GARIN5A: variants seen among roughly 807,000 people sequenced by gnomAD.
GARIN5A encodes golgi associated RAB2 interactor 5A.
At chr19:50,475,182 G>A in the GARIN5A span, 39 of 1,267,634 alleles carry the variant, frequency 3.1e-5, 1 homozygote, top group South Asian at 2.5e-4. Flanking sequence ...TTGTTCTCCC[G>A]GGTAGATGGC....
the GARIN5A span, chr19:50,467,696 C>T: frequency 2.8e-5 from 45 of 1,593,368 alleles, no homozygotes; most frequent in Admixed American, 2.7e-4. Flanking sequence ...ACCCACTGGC[C>T]GAACTCTCGG....
chr19:50,474,230 A>G, the GARIN5A span, among the ~76,000 whole-genome samples: 1 of 148,328 alleles, frequency 6.7e-6, no homozygotes, highest in Non-Finnish European at 1.5e-5. Context: ...CCCAGGTTGG[A>G]GTGCAGTGGG....
At chr19:50,471,757 T>TGTGTATACGCATACATGCATGC in the GARIN5A span, among the ~76,000 whole-genome samples, 3 of 139,946 alleles carry the variant, frequency 2.1e-5, no homozygotes, top group African/African-American at 6.2e-5. Flanking sequence ...TACATGCATG[T>TGTGTATACGCATACATGCATGC]GTATACGCAT....
At chr19:50,468,884 G>A in the GARIN5A span, among the ~76,000 whole-genome samples, 2 of 152,140 alleles carry the variant, frequency 1.3e-5, no homozygotes, top group African/African-American at 4.8e-5. Context: ...ATAGGCATGA[G>A]CCACCTCACT....
At chr19:50,472,000 G>A in the GARIN5A span, among the ~76,000 whole-genome samples, 2 of 149,978 alleles carry the variant, frequency 1.3e-5, no homozygotes, top group Non-Finnish European at 3.0e-5. Flanking sequence ...ATATATACGT[G>A]TATGTATATA....
chr19:50,472,212 G>GTA, the GARIN5A span, among the ~76,000 whole-genome samples: 777 of 137,998 alleles, frequency 5.6e-3, 50 homozygotes, highest in African/African-American at 0.015. Flanking sequence ...GTATATACAT[G>GTA]TGTGTATGTA....
the GARIN5A span, among the ~76,000 whole-genome samples, chr19:50,471,661 T>TGTGTGTATACGCATACATGCAC: frequency 7.7e-5 from 9 of 117,636 alleles, no homozygotes; most frequent in South Asian, 2.6e-4. Context: ...TACATGCACG[T>TGTGTGTATACGCATACATGCAC]GTGTGTATAC....
chr19:50,472,007 T>C, the GARIN5A span, among the ~76,000 whole-genome samples: 1 of 150,502 alleles, frequency 6.6e-6, no homozygotes, highest in Non-Finnish European at 1.5e-5. Flanking sequence ...CGTGTATGTA[T>C]ATATACGTGT....
At chr19:50,476,516 CGTCCCTTCGCT>C in the GARIN5A span, 56 of 1,569,024 alleles carry the variant, frequency 3.6e-5, no homozygotes, top group Admixed American at 5.5e-4. Flanking sequence ...GGCTCACAGC[CGTCCCTTCGCT>C]GGTGGGAAGA....
chr19:50,475,521 G>A, the GARIN5A span: 20 of 1,461,138 alleles, frequency 1.4e-5, no homozygotes, highest in Admixed American at 8.5e-5. Flanking sequence ...GGGATCAGAG[G>A]TTAGGAATCT....
the GARIN5A span, chr19:50,467,609 C>T: frequency 6.4e-7 from 1 of 1,552,392 alleles, no homozygotes; most frequent in South Asian, 1.2e-5. Flanking sequence ...TCCCCATCTA[C>T]ATCCTCCAGC....
At chr19:50,471,857 TAC>T in the GARIN5A span, among the ~76,000 whole-genome samples, 1 of 150,412 alleles carries the variant, frequency 6.6e-6, no homozygotes, top group East Asian at 2.0e-4. Context: ...TACGCATACA[TAC>T]ATGTGTATAT....
the GARIN5A span, among the ~76,000 whole-genome samples, chr19:50,473,138 C>G: frequency 6.6e-6 from 1 of 152,184 alleles, no homozygotes; most frequent in African/African-American, 2.4e-5. Flanking sequence ...TTAATAAAGG[C>G]TGTAAGTCAT....
At chr19:50,472,198 G>T in the GARIN5A span, among the ~76,000 whole-genome samples, 1 of 143,908 alleles carries the variant, frequency 6.9e-6, no homozygotes, top group Non-Finnish European at 1.5e-5. Context: ...ATGTATGTGT[G>T]CATGTATATA....
chr19:50,475,835 G>A, the GARIN5A span: 2,509 of 1,611,314 alleles, frequency 1.6e-3, 5 homozygotes, highest in Non-Finnish European at 2.0e-3. Flanking sequence ...CTCCCTACCT[G>A]TACGAAGTTG....
chr19:50,475,492 G>A, the GARIN5A span: 1 of 1,571,004 alleles, frequency 6.4e-7, no homozygotes, highest in African/African-American at 1.3e-5. Flanking sequence ...CAGGATAGAT[G>A]TCGGGGCAGA....
At chr19:50,473,389 C>T in the GARIN5A span, among the ~76,000 whole-genome samples, 33 of 151,984 alleles carry the variant, frequency 2.2e-4, 1 homozygote, top group Admixed American at 1.8e-3. Flanking sequence ...ACGGGTCTCA[C>T]TTCATTGCCC....
At chr19:50,467,471 G>A in the GARIN5A span, 2 of 887,962 alleles carry the variant, frequency 2.3e-6, no homozygotes, top group African/African-American at 1.7e-5. Flanking sequence ...CAGGACCCAA[G>A]CTCTCTCCTC....
the GARIN5A span, among the ~76,000 whole-genome samples, chr19:50,468,155 G>A: frequency 5.1e-4 from 77 of 152,258 alleles, no homozygotes; most frequent in East Asian, 0.012. Flanking sequence ...GAGGTCAGGA[G>A]TTCGAGACCA....
Sources: gnomAD v4.1 joint callset for allele counts (sites outside exome capture counted in the v4.1 genomes callset) on GRCh38, gnomAD v4.1.1 for gene constraint, MANE v1.5 for transcripts, NCBI Gene and HGNC (gene_info 2026-07-23, HGNC 2026-07-21) for gene names.